CUX1: variants seen among roughly 807,000 people sequenced by gnomAD.
CUX1 encodes protein CASP.
CUX1 carries 31 observed loss-of-function variants against 158.8 expected under a neutral mutation model. That is an observed-to-expected ratio of 0.20 (90% CI 0.15 to 0.26). CUX1 has a LOEUF of 0.26. Among genes scored for constraint, CUX1 ranks in the 10% least tolerant of loss-of-function variants. The pLI, the probability that CUX1 is intolerant of heterozygous loss-of-function variation, is 1.00. For synonymous variants in CUX1, 879 were observed against 862.1 expected, an observed-to-expected ratio of 1.02 and a Z score of -0.34; for missense variants, 1,589 against 2,014.6, an observed-to-expected ratio of 0.79 and a Z score of 4.04.
intron 10 of CUX1, among the ~76,000 whole-genome samples, chr7:102,175,837 T>C (rs1371044956): frequency 6.6e-6 from 1 of 152,242 alleles, no homozygotes; most frequent in Non-Finnish European, 1.5e-5. Flanking sequence ...TTCCAGTCTG[T>C]GGCAGACTGA....
At chr7:102,104,496 G>C in intron 6 of CUX1, 37 bp downstream of exon 6, 1 of 1,603,394 alleles carries the variant, frequency 6.2e-7, no homozygotes, top group East Asian at 2.2e-5. Context: ...GACTGACATA[G>C]CATTTGCCCC....
intron 9 of CUX1, among the ~76,000 whole-genome samples, chr7:102,163,041 T>C (rs1350042858): frequency 6.6e-6 from 1 of 152,086 alleles, no homozygotes; most frequent in Non-Finnish European, 1.5e-5. Flanking sequence ...TTCGTGAAGC[T>C]ACAGGTGAAC....
chr7:102,245,698 G>A (rs541907060), intron 23 of CUX1, among the ~76,000 whole-genome samples: 24 of 152,256 alleles, frequency 1.6e-4, no homozygotes, highest in African/African-American at 4.6e-4. Context: ...GTAGCCAGGC[G>A]TGGTGGCTCA....
At chr7:102,060,608 A>AACACACACACACACACACACACACAC (rs58786987) in intron 3 of CUX1, among the ~76,000 whole-genome samples, 6 of 133,214 alleles carry the variant, frequency 4.5e-5, no homozygotes, top group Admixed American at 3.9e-4. Flanking sequence ...CACACAAATA[A>AACACACACACACACACACACACACAC]ACACACACAC....
In CUX1 at chr7:102,158,566, C is replaced by G. The variant is rs782176740; in HGVS notation, c.681C>G (p.Asp227Glu). The G allele has an allele frequency of 1.2e-6, 2 of 1,614,028 alleles. No homozygotes were observed. Among genetic ancestry groups the G allele is most frequent in the Non-Finnish European group, 1.7e-6 (2 of 1,179,994 alleles). Residue 227 changes from aspartate (D) to glutamate (E), a missense_variant, in exon 9 of 24, where the codon GAC (aspartate) becomes GAG (glutamate). Around this residue, in one of 8 missense-constraint regions of CUX1, gnomAD observed 515 missense variants for 574.4 expected, o/e 0.90. Coordinates refer to ENST00000292535, the MANE Select transcript of CUX1 (RefSeq NM_181552.4). The part of the protein sequence containing the change: ...KYDEETTAKA[D>E]EIEMIMTDLE... ...CTCCCTCTCACCCTCCTAGGGCCGA[C>G]GAGATTGAAATGATCATGACGGACC...
intron 2 of CUX1, among the ~76,000 whole-genome samples, chr7:102,002,022 G>A (rs1195923432): frequency 6.6e-6 from 1 of 152,216 alleles, no homozygotes; most frequent in South Asian, 2.1e-4. Flanking sequence ...AGCTGGGCAC[G>A]GTGGCTCGTG....
chr7:102,002,249 G>T (rs1816768617), intron 2 of CUX1, among the ~76,000 whole-genome samples: 1 of 152,226 alleles, frequency 6.6e-6, no homozygotes, highest in Admixed American at 6.5e-5. Context: ...GCAGTGAGCT[G>T]TGCTTGCACC....
At chr7:102,133,809 C>CT (rs1792844210) in intron 8 of CUX1, among the ~76,000 whole-genome samples, 2 of 152,130 alleles carry the variant, frequency 1.3e-5, no homozygotes, top group Admixed American at 1.3e-4. Flanking sequence ...CAGTGTCTAA[C>CT]TGCAATGTAG....
chr7:101,918,340 C>A (rs1274838003), intron 2 of CUX1, among the ~76,000 whole-genome samples: 2 of 152,226 alleles, frequency 1.3e-5, no homozygotes, highest in African/African-American at 4.8e-5. Flanking sequence ...TTTTTATCTC[C>A]TTCTGATCCC....
At chr7:102,276,528 C>T (rs1307450217) in intron 17 of CUX1, among the ~76,000 whole-genome samples, 1 of 152,206 alleles carries the variant, frequency 6.6e-6, no homozygotes, top group Non-Finnish European at 1.5e-5. Context: ...TCTCGAACTC[C>T]TGACCTCAGG....
chr7:102,278,418 C>G (rs983671171), intron 18 of CUX1, among the ~76,000 whole-genome samples: 2 of 151,492 alleles, frequency 1.3e-5, no homozygotes, highest in East Asian at 3.9e-4. Context: ...GGTGAAACCC[C>G]GTCTCTACTA....
chr7:102,085,317 G>A (rs782198037), intron 4 of CUX1, among the ~76,000 whole-genome samples: 10 of 152,074 alleles, frequency 6.6e-5, no homozygotes, highest in African/African-American at 1.9e-4. Context: ...GACTTTTGCC[G>A]TTAAATTTAT....
In CUX1 at chr7:102,253,805, C is replaced by T. The variant is rs552729910; in HGVS notation, c.*4763C>T. 11 of 985,578 alleles carry T rather than the reference C, an allele frequency of 1.1e-5. No homozygotes were observed. The highest frequency in any genetic ancestry group is 5.2e-4 in the Middle Eastern group (1 of 1,916). 61.1% of individuals were successfully genotyped at this position (985,578 alleles called of 1,614,324 possible). Reference sequence around the variant, plus strand: ...GAGATGTAGCAACACGGGGCATGAGCGGTGGGCGTGCTGGGCTATTTGCTG... The same window carrying T: ...GAGATGTAGCAACACGGGGCATGAGTGGTGGGCGTGCTGGGCTATTTGCTG... On this transcript the variant is annotated 3_prime_UTR_variant, in exon 24 of 24. Coordinates refer to ENST00000292535, the MANE Select transcript of CUX1 (RefSeq NM_181552.4).
At chr7:102,079,376 G>A (rs1554477722) in intron 4 of CUX1, among the ~76,000 whole-genome samples, 1 of 151,786 alleles carries the variant, frequency 6.6e-6, no homozygotes, top group East Asian at 1.9e-4. Flanking sequence ...AGGCGGAGGT[G>A]GCAGTGAGCC....
At chr7:102,151,381 C>T (rs1405758856) in intron 8 of CUX1, among the ~76,000 whole-genome samples, 1 of 151,914 alleles carries the variant, frequency 6.6e-6, no homozygotes, top group African/African-American at 2.4e-5. Context: ...GATAAAACCC[C>T]GTCTCTACTA....
chr7:101,851,095 C>T (rs943994056), intron 1 of CUX1, among the ~76,000 whole-genome samples: 2 of 152,036 alleles, frequency 1.3e-5, no homozygotes, highest in African/African-American at 4.8e-5. Flanking sequence ...GGTGACAGAG[C>T]GAGAGTCTGT....
intron 7 of CUX1, among the ~76,000 whole-genome samples, chr7:102,112,807 G>C (rs1831073337): frequency 6.6e-6 from 1 of 152,158 alleles, no homozygotes; most frequent in Non-Finnish European, 1.5e-5. Flanking sequence ...CTGAGCTCAA[G>C]TGAGCCACCA....
chr7:102,249,840 TA>T lies in CUX1; in HGVS notation c.*802del, dbSNP rs1449835016. 43 of 985,648 alleles carry T rather than the reference TA, an allele frequency of 4.4e-5. No homozygotes were observed. Among genetic ancestry groups the T allele is most frequent in the Non-Finnish European group, 5.2e-5 (43 of 829,736 alleles). 61.1% of individuals were successfully genotyped at this position (985,648 alleles called of 1,614,324 possible). A position where few individuals can be genotyped will look rare whatever the true frequency, so the allele number is the denominator to read the frequency against. The stretch of plus-strand genomic sequence containing the variant: ...TCTCGTTTGAAACTTTGAATTAAAA[TA>T]AAACACATTTACTCCACATATTTTT... On this transcript the variant is annotated 3_prime_UTR_variant, in exon 24 of 24. Coordinates refer to ENST00000292535, the MANE Select transcript of CUX1 (RefSeq NM_181552.4).
chr7:101,948,240 C>T lies in CUX1; in HGVS notation c.141+32015C>T, dbSNP rs976516581. Among the ~76,000 whole-genome samples the T allele has an allele frequency of 1.6e-4, 25 of 152,294 alleles. 1 individual carries two copies. Among genetic ancestry groups the T allele is most frequent in the Admixed American group, 1.4e-3 (21 of 15,286 alleles). ...TTACCATTTTTGTCCTATTCTATTA[C>T]GTGGTGATATTTGTCCATTATTTGG... On this transcript the variant is annotated intron_variant, in intron 2 of 23. Coordinates refer to ENST00000292535, the MANE Select transcript of CUX1 (RefSeq NM_181552.4).
Sources: gnomAD v4.1 joint callset for allele counts (sites outside exome capture counted in the v4.1 genomes callset) on GRCh38, gnomAD v4.1.1 for gene constraint, gnomAD v4.1.1 regional missense constraint, MANE v1.5 for transcripts, NCBI Gene and HGNC (gene_info 2026-07-23, HGNC 2026-07-21) for gene names.